Variants in CHL1 observed in about 807,000 individuals in gnomAD.
CHL1 encodes neural cell adhesion molecule L1-like protein.
In CHL1, 96 loss-of-function variants were observed where a neutral mutation model predicts 141.9. The observed-to-expected ratio is 0.68, with a 90% confidence interval of 0.57 to 0.80. CHL1 has a LOEUF of 0.80. Among genes scored for constraint, CHL1 ranks in the 30% least tolerant of loss-of-function variants. The probability of loss-of-function intolerance (pLI) is 0.00; values close to 1 mark genes in which losing one functional copy is unlikely to be tolerated. For missense variants in CHL1, 1,820 were observed against 1,457.2 expected (o/e 1.25, Z -4.05); for synonymous variants, 613 against 502.2 (o/e 1.22, Z -2.95).
intron 2 of CHL1, among the ~76,000 whole-genome samples, chr3:297,595 A>G (rs994929626): frequency 6.6e-6 from 1 of 152,234 alleles, no homozygotes; most frequent in Non-Finnish European, 1.5e-5. Flanking sequence ...ACAATACTTC[A>G]AACACCGTGA....
At chr3:345,991 G>T (rs888266189) in intron 9 of CHL1, among the ~76,000 whole-genome samples, 2 of 152,176 alleles carry the variant, frequency 1.3e-5, no homozygotes, top group African/African-American at 4.8e-5. Flanking sequence ...TTGGGAAAAT[G>T]CATTCCAGCT....
chr3:334,736 T>A (rs1701726233), intron 5 of CHL1, among the ~76,000 whole-genome samples: 1 of 152,188 alleles, frequency 6.6e-6, no homozygotes, highest in South Asian at 2.1e-4. Flanking sequence ...ATACTGCAAA[T>A]TCTCTGGGGT....
chr3:240,708 T>C (rs1475925751), intron 1 of CHL1, among the ~76,000 whole-genome samples: 3 of 152,240 alleles, frequency 2.0e-5, no homozygotes, highest in Non-Finnish European at 2.9e-5. Flanking sequence ...CGTTATCTTC[T>C]AGAATTTTTA....
At chr3:286,864 G>A (rs924079402) in intron 2 of CHL1, among the ~76,000 whole-genome samples, 1 of 152,094 alleles carries the variant, frequency 6.6e-6, no homozygotes, top group Non-Finnish European at 1.5e-5. Flanking sequence ...AACTGTCATG[G>A]CACTGGTGGG....
chr3:206,395 G>A (rs1183221024), intron 1 of CHL1, among the ~76,000 whole-genome samples: 4 of 152,132 alleles, frequency 2.6e-5, no homozygotes, highest in Non-Finnish European at 5.9e-5. Flanking sequence ...GAACCCAGGA[G>A]GCGGAGGTTG....
chr3:400,890 A>C (rs1258449348), intron 26 of CHL1, among the ~76,000 whole-genome samples: 1 of 142,996 alleles, frequency 7.0e-6, no homozygotes, highest in Non-Finnish European at 1.5e-5. Flanking sequence ...TATAACAACC[A>C]AATGACTGCC....
intron 2 of CHL1, among the ~76,000 whole-genome samples, chr3:273,318 G>A (rs1405839961): frequency 1.3e-5 from 2 of 152,168 alleles, no homozygotes; most frequent in African/African-American, 2.4e-5. Context: ...GAAGTGGTTA[G>A]TTTGCCCCAC....
chr3:272,913 G>A (rs1695766555), intron 2 of CHL1, among the ~76,000 whole-genome samples: 2 of 152,122 alleles, frequency 1.3e-5, no homozygotes, highest in African/African-American at 4.8e-5. Flanking sequence ...TCTAATCTAG[G>A]GAGATGACAG....
intron 2 of CHL1, among the ~76,000 whole-genome samples, chr3:298,779 A>G (rs1282932241): frequency 6.6e-6 from 1 of 152,136 alleles, no homozygotes. Context: ...CCTCCTAAAT[A>G]CCTTCTTGGT....
At chr3:353,110 C>T (rs763637192) in intron 10 of CHL1, among the ~76,000 whole-genome samples, 8 of 152,132 alleles carry the variant, frequency 5.3e-5, no homozygotes, top group African/African-American at 1.7e-4. Flanking sequence ...AATTTGGAAC[C>T]TCTTTCAGTA....
intron 23 of CHL1, among the ~76,000 whole-genome samples, chr3:393,449 C>T (rs1708412013): frequency 6.6e-6 from 1 of 151,998 alleles, no homozygotes; most frequent in South Asian, 2.1e-4. Context: ...TTCCCACCTT[C>T]ATATTGATCC....
intron 2 of CHL1, among the ~76,000 whole-genome samples, chr3:276,856 T>A (rs1422089692): frequency 8.3e-6 from 1 of 120,718 alleles, no homozygotes; most frequent in Admixed American, 1.1e-4. Context: ...GCCACTGCAC[T>A]CCAGCCTGGG....
chr3:377,757 T>C (rs1270870656), intron 15 of CHL1, 61 bp from the exon 16 acceptor site: 13 of 1,404,350 alleles, frequency 9.3e-6, no homozygotes, highest in South Asian at 3.9e-5. Context: ...TTTAAAAGAA[T>C]TGGGTTTCTA....
At chr3:338,330 AT>A (rs1239367652) in intron 5 of CHL1, among the ~76,000 whole-genome samples, 19 of 152,248 alleles carry the variant, frequency 1.2e-4, no homozygotes, top group South Asian at 1.2e-3. Context: ...CGAAAAAAAT[AT>A]TTTTTTAATT....
intron 20 of CHL1, among the ~76,000 whole-genome samples, chr3:390,139 T>G (rs893390142): frequency 6.6e-6 from 1 of 152,222 alleles, no homozygotes; most frequent in African/African-American, 2.4e-5. Flanking sequence ...GCCGTCTAAA[T>G]TCTTCTACCC....
In CHL1 at chr3:360,224, G is replaced by A. The variant is rs180745098; in HGVS notation, c.1166-60G>A. 3,277 of 1,535,016 alleles carry A rather than the reference G, an allele frequency of 2.1e-3. 12 individuals carry two copies. The Middle Eastern group carries it at 0.025, about 12-fold the overall frequency. ...ATACTGTGTGACACATTTAATAAAT[G>A]GTGTATAAATATTTTATGTCCTGTT... On this transcript the variant is annotated intron_variant, in intron 11 of 27. Transcript: ENST00000256509.
chr3:273,374 T>C (rs1695808566), intron 2 of CHL1, among the ~76,000 whole-genome samples: 1 of 152,142 alleles, frequency 6.6e-6, no homozygotes, highest in African/African-American at 2.4e-5. Context: ...AATCAATATG[T>C]TTTAGTTTAG....
chr3:319,591 C>CAAAAAAAAAA, intron 2 of CHL1, 92 bp from the exon 3 acceptor site: 1 of 302,024 alleles, frequency 3.3e-6, no homozygotes, highest in South Asian at 3.8e-5. Flanking sequence ...ACTGCCAAAC[C>CAAAAAAAAAA]AAAAAAAAAA....
At chr3:314,196 C>T (rs1699971197) in intron 2 of CHL1, among the ~76,000 whole-genome samples, 2 of 151,366 alleles carry the variant, frequency 1.3e-5, no homozygotes, top group African/African-American at 4.8e-5. Flanking sequence ...AGGCTGATTT[C>T]TGATTTCCAA....
Sources: gnomAD v4.1 joint callset for allele counts (sites outside exome capture counted in the v4.1 genomes callset) on GRCh38, gnomAD v4.1.1 for gene constraint, MANE v1.5 for transcripts, NCBI Gene and HGNC (gene_info 2026-07-23, HGNC 2026-07-21) for gene names.